The following KIF19 variants were observed in gnomAD, a reference collection of about 807,000 sequenced individuals.
KIF19 encodes kinesin-like protein KIF19.
A neutral mutation model predicts 106.6 loss-of-function variants in KIF19; 98 were observed. The observed-to-expected ratio is 0.92, with a 90% CI of 0.78 to 1.09. KIF19 has a LOEUF of 1.09. Among genes scored for constraint, KIF19 ranks in the 50% least tolerant of loss-of-function variants. The pLI is 0.00. For missense variants in KIF19, 1,373 were observed against 1,414.3 expected, an observed-to-expected ratio of 0.97 and a Z score of 0.47; for synonymous variants, 516 against 584.2, an observed-to-expected ratio of 0.88 and a Z score of 1.68.
chr17:74,345,306 A>G (rs1184687802), intron 7 of KIF19, among the ~76,000 whole-genome samples: 1 of 152,076 alleles, frequency 6.6e-6, no homozygotes, highest in Admixed American at 6.6e-5. Flanking sequence ...TGGCTGCCCT[A>G]GGGGAGGGAT....
chr17:74,349,140 C>T, intron 9 of KIF19, 44 bp from the exon 10 acceptor site: 1 of 1,610,320 alleles, frequency 6.2e-7, no homozygotes, highest in East Asian at 2.2e-5. Context: ...GTGAGTGCAC[C>T]TGGGGTGACT....
chr17:74,330,667 C>A (rs1235698621), intron 2 of KIF19, among the ~76,000 whole-genome samples: 2 of 152,230 alleles, frequency 1.3e-5, no homozygotes, highest in Non-Finnish European at 2.9e-5. Flanking sequence ...CATTGTGTGC[C>A]CACACACGGC....
Position 74,350,732 on chromosome 17 carries a change from G to T in KIF19, c.1414G>T (p.Ala472Ser), listed in dbSNP as rs567279127. 124 of 1,613,946 alleles carry T rather than the reference G, an allele frequency of 7.7e-5. No individual in the cohort carries two copies. The South Asian group carries it at 1.3e-3, about 17-fold the overall frequency. Reference sequence around the variant, plus strand: ...CTGGAAGCATGAGAAGTCCCGCCGGGCCCTCAAATGGCGGGAGGAGCAGCG... The same window carrying T: ...CTGGAAGCATGAGAAGTCCCGCCGGTCCCTCAAATGGCGGGAGGAGCAGCG... ...AGWKHEKSRR[A>S]LKWREEQRKE... Residue 472 changes from alanine (A) to serine (S), a missense_variant, in exon 12 of 20, where the codon GCC (alanine) becomes TCC (serine). Ala to Ser is a moderately conservative substitution (Grantham distance 99, BLOSUM62 1). Around this residue, in one of 3 missense-constraint regions of KIF19, gnomAD observed 1,020 missense variants for 1,008.2 expected, o/e 1.01. Coordinates refer to ENST00000389916, the MANE Select transcript of KIF19 (RefSeq NM_153209.4).
intron 2 of KIF19, among the ~76,000 whole-genome samples, chr17:74,340,555 G>GCGCACACACACACACA: frequency 0.14 from 20,265 of 148,166 alleles, 1,455 homozygotes; most frequent in Non-Finnish European, 0.16. Flanking sequence ...ATGCGCGCGC[G>GCGCACACACACACACA]TACACACACA....
At position 74,351,858 on chromosome 17, in the gene KIF19, C is replaced by T. The variant is rs1418806244; in HGVS notation, c.1588-9C>T. On this transcript the variant is annotated splice_polypyrimidine_tract_variant and intron_variant, in intron 12 of 19. Transcript: ENST00000389916. ...CCCGCTGCCAGATGCTGACCTGCGC[C>T]TCCTGCAGCTGGCGCTGGAGCAGCG... 3 of 1,382,470 alleles carry T rather than the reference C, an allele frequency of 2.2e-6. No individual in the cohort carries two copies. Among genetic ancestry groups the T allele is most frequent in the African/African-American group, 1.5e-5 (1 of 65,380 alleles). 85.6% of individuals were successfully genotyped at this position (1,382,470 alleles called of 1,614,324 possible).
In KIF19 at chr17:74,344,909, G is replaced by A; in HGVS notation, c.731G>A (p.Gly244Asp). 6.2e-7 allele frequency: 1 copy of A among 1,611,486 alleles called. No homozygotes were observed. Among genetic ancestry groups the A allele is most frequent in the Non-Finnish European group, 8.5e-7 (1 of 1,179,658 alleles). Residue 244 changes from glycine (G) to aspartate (D), a missense_variant, in exon 7 of 20, where the codon GGC (glycine) becomes GAC (aspartate). This residue lies in a region of KIF19 where 348 missense variants were observed against 389.5 expected (regional missense o/e 0.89). Coordinates refer to ENST00000389916, the MANE Select transcript of KIF19 (RefSeq NM_153209.4). Reference sequence around the variant, plus strand: ...AACATCTTGCAGGAGGTGCGGCAGGGCCGCCTGTTCATGATCGACCTGGCT... The same window carrying A: ...AACATCTTGCAGGAGGTGCGGCAGGACCGCCTGTTCATGATCGACCTGGCT... ...VKNILQEVRQGRLFMIDLAGS... is the reference protein window; with the variant it reads ...VKNILQEVRQDRLFMIDLAGS...
intron 5 of KIF19, 25 bp downstream of exon 5, chr17:74,343,185 A>G (rs961648695): frequency 6.2e-7 from 1 of 1,608,406 alleles, no homozygotes; most frequent in Non-Finnish European, 8.5e-7. Flanking sequence ...CTAGGCTCAG[A>G]TGGGGCTGGC....
rs1275476745 is a variant in KIF19, at chr17:74,352,210, C to G, written c.1859-9C>G. 1.2e-6 allele frequency: 2 copies of G among 1,609,700 alleles called. No homozygotes were observed. Among genetic ancestry groups the G allele is most frequent in the Admixed American group, 3.4e-5 (2 of 59,686 alleles). On this transcript the variant is annotated splice_polypyrimidine_tract_variant and intron_variant, in intron 13 of 19. Transcript: ENST00000389916. ...TGGCACTCACTGAGCCCTGCCCCTT[C>G]CCCAGCAGACTACAACCTGGCCGTC...
At chr17:74,344,621 C>A in intron 6 of KIF19, 140 bp from the exon 7 acceptor site, 1 of 958,894 alleles carries the variant, frequency 1.0e-6, no homozygotes, top group Non-Finnish European at 1.5e-6. Context: ...CCTCTCAGCA[C>A]ACGGAGCCCA....
chr17:74,353,080 C>G, intron 15 of KIF19, 116 bp from the exon 16 acceptor site: 2 of 1,409,242 alleles, frequency 1.4e-6, no homozygotes, highest in Admixed American at 3.9e-5. Context: ...AGGTCTGGAG[C>G]CAGGACTCCT....
At chr17:74,336,521 A>G (rs2054223610) in intron 2 of KIF19, among the ~76,000 whole-genome samples, 2 of 151,954 alleles carry the variant, frequency 1.3e-5, no homozygotes, top group Non-Finnish European at 1.5e-5. Context: ...AACTGATTAC[A>G]CCTGCAACAA....
chr17:74,332,200 G>GTGTA (rs2054105619), intron 2 of KIF19, among the ~76,000 whole-genome samples: 1 of 76,074 alleles, frequency 1.3e-5, no homozygotes, highest in Middle Eastern at 5.5e-3. Flanking sequence ...GTGTGTGTGT[G>GTGTA]TGTGTGTGTT....
Position 74,326,331 on chromosome 17 carries a change from C to G in KIF19, c.-19C>G. ...CCATGCCCGGTGGCGCGGCCTGAGC[C>G]CCTCCACCTGCTGCAATCATGAAGG... On this transcript the variant is annotated 5_prime_UTR_variant, in exon 1 of 20. Transcript: ENST00000389916. 6.2e-7 allele frequency: 1 copy of G among 1,609,194 alleles called. No homozygotes were observed.
chr17:74,344,332 C>T lies in KIF19; in HGVS notation c.566C>T (p.Thr189Ile), dbSNP rs1380907618. The T allele has an allele frequency of 1.2e-6, 2 of 1,612,638 alleles. No individual in the cohort carries two copies. Among genetic ancestry groups the T allele is most frequent in the Non-Finnish European group, 8.5e-7 (1 of 1,179,730 alleles). The change falls in exon 6 of 20, where the codon ACC becomes ATC. Residue 189 changes from threonine (T) to isoleucine (I), a missense_variant. Physicochemically the swap from Thr to Ile is moderately conservative, Grantham distance 89. This residue lies in a region of KIF19 where 348 missense variants were observed against 389.5 expected (regional missense o/e 0.89). Transcript: ENST00000389916. ...IQVAGITEVS[T>I]INAKEIMQLL... is the part of the protein sequence containing the mutation. The stretch of plus-strand genomic sequence containing the variant: ...GTGGCCGGCATCACCGAAGTCTCCA[C>T]CATCAATGCCAAGGAGGCGAGTTTT...
chr17:74,334,012 G>T (rs1245327452), intron 2 of KIF19, among the ~76,000 whole-genome samples: 1 of 151,716 alleles, frequency 6.6e-6, no homozygotes, highest in African/African-American at 2.4e-5. Flanking sequence ...TTTAGTAGAG[G>T]TGTGGTCTGG....
At chr17:74,353,869 G>C (rs954495335) in intron 17 of KIF19, among the ~76,000 whole-genome samples, 3 of 152,182 alleles carry the variant, frequency 2.0e-5, no homozygotes, top group African/African-American at 7.2e-5. Context: ...CCTCCGCTCA[G>C]TAATCACTGT....
chr17:74,354,529 G>T lies in KIF19; in HGVS notation c.2676G>T (p.Arg892Ser). 1 of 1,601,422 alleles carries T rather than the reference G, an allele frequency of 6.2e-7. No individual in the cohort carries two copies. The highest frequency in any genetic ancestry group is 8.5e-7 in the Non-Finnish European group (1 of 1,175,018). The stretch of plus-strand genomic sequence containing the variant: ...TGGAGGCAAAGAGAAGGAAGCGGAG[G>T]TCCCGATCCTTCGAGGTCACCGGGC... ...ESLEAKRRKR[R>S]SRSFEVTGQG... The change falls in exon 18 of 20, where the codon AGG (arginine) becomes AGT (serine). Residue 892 changes from arginine (R) to serine (S), a missense_variant. Transcript: ENST00000389916.
intron 6 of KIF19, 111 bp downstream of exon 6, chr17:74,344,459 G>A (rs1598387678): frequency 6.8e-7 from 1 of 1,480,442 alleles, no homozygotes; most frequent in Non-Finnish European, 9.1e-7. Flanking sequence ...CTGAGGCTGG[G>A]ACAGACAGGA....
At chr17:74,344,391 C>T (rs1466846554) in intron 6 of KIF19, 43 bp downstream of exon 6, 35 of 1,599,784 alleles carry the variant, frequency 2.2e-5, no homozygotes, top group Non-Finnish European at 2.8e-5. Flanking sequence ...AGAGGAAGCT[C>T]ACCGCCTGAG....
Sources: gnomAD v4.1 joint callset for allele counts (sites outside exome capture counted in the v4.1 genomes callset) on GRCh38, gnomAD v4.1.1 for gene constraint, gnomAD v4.1.1 regional missense constraint, MANE v1.5 for transcripts, NCBI Gene and HGNC (gene_info 2026-07-23, HGNC 2026-07-21) for gene names.